The following ENTHD1 variants were observed in gnomAD, a reference collection of about 807,000 sequenced individuals.
ENTHD1 encodes ENTH domain-containing protein 1.
Under a neutral mutation model 39.1 loss-of-function variants are expected in ENTHD1, and 23 were observed. The ratio of observed to expected loss-of-function variants is 0.59; its 90% CI spans 0.42 to 0.83. The LOEUF (loss-of-function observed/expected upper bound fraction) is 0.83, where lower values mean the gene tolerates loss of function less well. ENTHD1 is among the 40% of genes least tolerant of loss of function. ENTHD1 has a pLI of 0.00. For missense variants in ENTHD1, 624 were observed against 705.4 expected (o/e 0.88, Z 1.31); for synonymous variants, 230 against 258.2 (o/e 0.89, Z 1.05).
chr22:39,887,013 CT>C (rs931118042), intron 2 of ENTHD1, among the ~76,000 whole-genome samples: 18 of 151,334 alleles, frequency 1.2e-4, no homozygotes, highest in South Asian at 1.0e-3. Flanking sequence ...AGTGTGTTCA[CT>C]TTTTTTTTCC....
intron 5 of ENTHD1, among the ~76,000 whole-genome samples, chr22:39,770,802 G>A (rs2065315170): frequency 6.6e-6 from 1 of 152,282 alleles, no homozygotes; most frequent in South Asian, 2.1e-4. Context: ...TGATATCCTT[G>A]GATGCAAGTA....
chr22:39,872,675 T>C (rs1398215784), intron 2 of ENTHD1, among the ~76,000 whole-genome samples: 2 of 152,166 alleles, frequency 1.3e-5, no homozygotes, highest in Non-Finnish European at 2.9e-5. Context: ...AGCACATCCC[T>C]GAGTGTTGGA....
chr22:39,822,780 C>CTT (rs2065793463), intron 4 of ENTHD1, among the ~76,000 whole-genome samples: 2 of 152,188 alleles, frequency 1.3e-5, no homozygotes, highest in South Asian at 4.1e-4. Context: ...CTATTTTCAA[C>CTT]TTCATTAGAA....
intron 3 of ENTHD1, among the ~76,000 whole-genome samples, chr22:39,853,148 G>A (rs576707681): frequency 5.1e-4 from 78 of 152,212 alleles, no homozygotes; most frequent in Non-Finnish European, 7.2e-4. Context: ...ATAGTCTCTT[G>A]GAAATTGCTA....
chr22:39,790,944 T>G (rs1160163001), intron 5 of ENTHD1, among the ~76,000 whole-genome samples: 1 of 152,112 alleles, frequency 6.6e-6, no homozygotes, highest in East Asian at 1.9e-4. Flanking sequence ...CCCTTTATAA[T>G]ATTTTCAAAC....
intron 6 of ENTHD1, chr22:39,751,422 G>C (rs1425995589): frequency 6.6e-6 from 1 of 152,462 alleles, no homozygotes. Flanking sequence ...TAGTGGAGAG[G>C]TCTGAAAAGC....
chr22:39,824,272 C>T (rs536457393), intron 4 of ENTHD1, among the ~76,000 whole-genome samples: 2 of 134,930 alleles, frequency 1.5e-5, no homozygotes, highest in South Asian at 4.8e-4. Flanking sequence ...TGCAACGGCA[C>T]GATCTCGGCT....
At chr22:39,799,799 G>A (rs1373992550) in intron 5 of ENTHD1, among the ~76,000 whole-genome samples, 6 of 152,164 alleles carry the variant, frequency 3.9e-5, no homozygotes, top group Non-Finnish European at 7.3e-5. Flanking sequence ...GGCAGCATTC[G>A]GTTGTCTCCT....
chr22:39,785,400 T>A (rs1028041947), intron 5 of ENTHD1, among the ~76,000 whole-genome samples: 7 of 152,252 alleles, frequency 4.6e-5, no homozygotes, highest in African/African-American at 1.7e-4. Flanking sequence ...TCTTTCCCTT[T>A]TCTTATCTGG....
intron 5 of ENTHD1, 95 bp from the exon 6 acceptor site, chr22:39,765,704 T>C (rs764505393): frequency 8.7e-5 from 107 of 1,229,192 alleles, no homozygotes; most frequent in Non-Finnish European, 1.1e-4. Context: ...GATTTTTTAA[T>C]GTCATAACAG....
intron 6 of ENTHD1, among the ~76,000 whole-genome samples, chr22:39,762,348 G>A (rs779759042): frequency 2.0e-5 from 3 of 151,990 alleles, no homozygotes; most frequent in Non-Finnish European, 4.4e-5. Context: ...CAGGCTATGA[G>A]GACTGAAGAG....
Position 39,766,613 on chromosome 22 carries a change from G to A in ENTHD1, c.833-1004C>T, listed in dbSNP as rs111552869. Reference sequence around the variant, plus strand: ...TCTTTCGAAGCTCCCAAAAGAGGACGCAGAAATTGTGTGATTCACTATTGA... The same window carrying A: ...TCTTTCGAAGCTCCCAAAAGAGGACACAGAAATTGTGTGATTCACTATTGA... On this transcript the variant is annotated intron_variant, in intron 5 of 6. Coordinates refer to ENST00000325157, the MANE Select transcript of ENTHD1 (RefSeq NM_152512.4). Among the ~76,000 whole-genome samples, 80 of 152,276 alleles carry A rather than the reference G, an allele frequency of 5.3e-4. 1 individual carries two copies. Among genetic ancestry groups the A allele is most frequent in the African/African-American group, 1.8e-3 (75 of 41,550 alleles).
chr22:39,821,325 C>T lies in ENTHD1; in HGVS notation c.712-212G>A, dbSNP rs150977386. ...AATCCCCAGACCTTGCTGAAGACACCGTCGGTAGATAGCAAGGATTTTGCT... is the reference window on the plus strand; with the variant it reads ...AATCCCCAGACCTTGCTGAAGACACTGTCGGTAGATAGCAAGGATTTTGCT... On this transcript the variant is annotated intron_variant, in intron 4 of 6. Coordinates refer to ENST00000325157, the MANE Select transcript of ENTHD1 (RefSeq NM_152512.4). Among the ~76,000 whole-genome samples the T allele has an allele frequency of 6.4e-4, 97 of 152,056 alleles. 4 individuals are homozygous for T. In the East Asian group the frequency reaches 0.015, roughly 23 times the overall value.
chr22:39,876,101 G>C (rs55727221), intron 2 of ENTHD1: 2 of 1,604,470 alleles, frequency 1.2e-6, no homozygotes, highest in Admixed American at 1.7e-5. Flanking sequence ...TGACGATATG[G>C]TGATTGTTGG....
intron 5 of ENTHD1, among the ~76,000 whole-genome samples, chr22:39,811,932 T>C (rs2065689690): frequency 6.6e-6 from 1 of 151,238 alleles, no homozygotes; most frequent in Non-Finnish European, 1.5e-5. Flanking sequence ...TGAGCCGAGA[T>C]CAAGTCACTG....
chr22:39,829,555 CG>C (rs909934434), intron 4 of ENTHD1, among the ~76,000 whole-genome samples: 5 of 151,946 alleles, frequency 3.3e-5, no homozygotes, highest in African/African-American at 1.2e-4. Flanking sequence ...TAGGCCAAGG[CG>C]GGTGGATTGC....
rs934448800 is a variant in ENTHD1, at chr22:39,851,603, A to G, written c.592+10162T>C. Among the ~76,000 whole-genome samples, 6 of 152,190 alleles carry G rather than the reference A, an allele frequency of 3.9e-5. No individual in the cohort carries two copies. The South Asian group carries it at 6.2e-4, about 16-fold the overall frequency. On this transcript the variant is annotated intron_variant, in intron 3 of 6. Transcript: ENST00000325157. ...CTTATGAAATGAGTACACTTTCTCAATTCAGTCCCCTTGAGGGTCTGGGTT... is the reference window on the plus strand; with the variant it reads ...CTTATGAAATGAGTACACTTTCTCAGTTCAGTCCCCTTGAGGGTCTGGGTT...
At position 39,743,774 on chromosome 22, in the gene ENTHD1, T is replaced by C. The variant is rs537586797; in HGVS notation, c.1729A>G (p.Asn577Asp). 1 of 1,614,046 alleles carries C rather than the reference T, an allele frequency of 6.2e-7. No individual in the cohort carries two copies. Among genetic ancestry groups the C allele is most frequent in the African/African-American group, 1.3e-5 (1 of 74,932 alleles). Residue 577 changes from asparagine (N) to aspartate (D), a missense_variant, in exon 7 of 7, where the codon AAT (asparagine) becomes GAT (aspartate). Coordinates refer to ENST00000325157, the MANE Select transcript of ENTHD1 (RefSeq NM_152512.4). ...STVIQELNVI[N>D]NILMSMSLNS... ...AGACTCATGCTCATCAAGATGTTAT[T>C]GATGACATTAAGTTCTTGGATCACT... is the stretch of plus-strand genomic sequence containing the variant.
chr22:39,747,020 T>G (rs976883975), intron 6 of ENTHD1, among the ~76,000 whole-genome samples: 9 of 152,170 alleles, frequency 5.9e-5, no homozygotes, highest in Admixed American at 1.3e-4. Context: ...AACAGGACCT[T>G]GCTCTGTCAC....
Sources: allele counts gnomAD v4.1 joint callset (sites outside exome capture counted in the v4.1 genomes callset), GRCh38; gene constraint gnomAD v4.1.1; transcripts MANE v1.5; gene names NCBI Gene and HGNC (gene_info 2026-07-23, HGNC 2026-07-21).